Variants in SLC25A29 observed in about 807,000 individuals in gnomAD.
The protein encoded by SLC25A29 is mitochondrial basic amino acids transporter.
In SLC25A29, 13 loss-of-function variants were observed where a neutral mutation model predicts 10.0. The observed-to-expected ratio is 1.30, with a 90% CI of 0.85 to 2.07. The LOEUF (loss-of-function observed/expected upper bound fraction) is 2.07. Among genes scored for constraint, SLC25A29 ranks in the 30% most tolerant of loss-of-function variants. SLC25A29 has a pLI of 0.00. For synonymous variants in SLC25A29, 244 were observed against 221.1 expected, an observed-to-expected ratio of 1.10 and a Z score of -0.92; for missense variants, 475 against 447.6, an observed-to-expected ratio of 1.06 and a Z score of -0.55.
At chr14:100,287,625 A>ACCCCCCC (rs1475358138), downstream of SLC25A29, among the ~76,000 whole-genome samples, 3 of 76,026 alleles carry the variant, frequency 3.9e-5, no homozygotes, top group African/African-American at 4.9e-5. Context: ...CCACTGGAGC[A>ACCCCCCC]CCACCCCCCC....
intron 2 of SLC25A29, among the ~76,000 whole-genome samples, chr14:100,296,994 T>C (rs575292726): frequency 2.0e-5 from 3 of 150,892 alleles, no homozygotes; most frequent in East Asian, 3.9e-4. Flanking sequence ...ACCCAGGGGG[T>C]TGGGGGGGGA....
chr14:100,299,720 A>G, intron 1 of SLC25A29: 3 of 985,182 alleles, frequency 3.0e-6, no homozygotes, highest in Non-Finnish European at 3.6e-6. Flanking sequence ...ATTTCACAGG[A>G]GAAACAGGCT....
In SLC25A29 at chr14:100,291,829, T is replaced by G; in HGVS notation, c.*454A>C. On this transcript the variant is annotated 3_prime_UTR_variant, in exon 4 of 4. Transcript: ENST00000359232. Reference sequence around the variant, plus strand: ...CTGTCCCTAACACAGACCAGAGGGGTGGCCCACCACCCCCCCGGGTGGAGG... The same window carrying G: ...CTGTCCCTAACACAGACCAGAGGGGGGGCCCACCACCCCCCCGGGTGGAGG... 1 of 225,776 alleles carries G rather than the reference T, an allele frequency of 4.4e-6. No homozygotes were observed. The highest frequency in any genetic ancestry group is 8.8e-6 in the Non-Finnish European group (1 of 113,168). The allele number at this position is 225,776 out of a possible 1,614,324, so 14.0% of individuals were successfully genotyped here.
At chr14:100,290,670 G>C (rs1566789499), downstream of SLC25A29, among the ~76,000 whole-genome samples, 1 of 152,174 alleles carries the variant, frequency 6.6e-6, no homozygotes, top group Non-Finnish European at 1.5e-5. Flanking sequence ...CAAAGCTCCA[G>C]GATGCCCTCT....
chr14:100,304,413 C>G (rs1042394874), intron 1 of SLC25A29, among the ~76,000 whole-genome samples: 9 of 152,212 alleles, frequency 5.9e-5, no homozygotes, highest in Non-Finnish European at 1.2e-4. Context: ...CTTTAGTACC[C>G]CCACCTCTCT....
In SLC25A29 at chr14:100,292,793, C is replaced by T; in HGVS notation, c.402G>A (p.Ser134=). ...CGTAGATCTGCGCGAGGCAGTCCAGCGAGCCCTTGTAGGTGCGCGCTGGGC... is the reference window on the plus strand; with the variant it reads ...CGTAGATCTGCGCGAGGCAGTCCAGTGAGCCCTTGTAGGTGCGCGCTGGGC... ...DAGPARTYKG[S]LDCLAQIYGH... Residue 134 remains serine, a synonymous_variant, in exon 4 of 4, where the codon TCG becomes TCA. Coordinates refer to ENST00000359232, the MANE Select transcript of SLC25A29 (RefSeq NM_001039355.3). The T allele has an allele frequency of 1.3e-6, 2 of 1,595,370 alleles. No individual in the cohort carries two copies. Among genetic ancestry groups the T allele is most frequent in the Non-Finnish European group, 1.7e-6 (2 of 1,172,874 alleles).
chr14:100,287,628 A>ACCCCCCCCCC (rs1171229559), downstream of SLC25A29, among the ~76,000 whole-genome samples: 5 of 62,218 alleles, frequency 8.0e-5, no homozygotes, highest in Admixed American at 1.8e-4. Flanking sequence ...CTGGAGCACC[A>ACCCCCCCCCC]CCCCCCCCCT....
At chr14:100,299,415 G>T in intron 1 of SLC25A29, 1 of 997,018 alleles carries the variant, frequency 1.0e-6, no homozygotes, top group South Asian at 4.3e-5. Context: ...GAGTGGCCAC[G>T]GAGACTGAAC....
the SLC25A29 span, among the ~76,000 whole-genome samples, chr14:100,285,714 G>A: frequency 6.6e-6 from 1 of 152,102 alleles, no homozygotes; most frequent in Admixed American, 6.5e-5. Context: ...CGCCGCCAGG[G>A]CCACAGGGAC....
intron 3 of SLC25A29, 53 bp from the exon 4 acceptor site, chr14:100,293,085 C>T: frequency 6.8e-7 from 1 of 1,477,140 alleles, no homozygotes; most frequent in Middle Eastern, 1.8e-4. Context: ...CCCGGGCCCT[C>T]CACGCGGAAG....
chr14:100,286,736 C>T (rs1891552389), downstream of SLC25A29, among the ~76,000 whole-genome samples: 3 of 152,334 alleles, frequency 2.0e-5, no homozygotes, highest in South Asian at 6.2e-4. Flanking sequence ...ACCATGAGGT[C>T]AGGGGTGTGT....
the SLC25A29 span, chr14:100,278,969 A>G: frequency 1.3e-5 from 2 of 152,186 alleles, no homozygotes; most frequent in African/African-American, 4.8e-5. Flanking sequence ...TCCTCCATCT[A>G]GTGGAGTCCT....
intron 2 of SLC25A29, chr14:100,295,904 CG>C: frequency 7.8e-7 from 1 of 1,286,620 alleles, no homozygotes; most frequent in Non-Finnish European, 1.0e-6. Flanking sequence ...CGTGTAGAAA[CG>C]TGTGAAGGCC....
chr14:100,293,141 G>T, intron 3 of SLC25A29, 109 bp from the exon 4 acceptor site: 1 of 1,457,664 alleles, frequency 6.9e-7, no homozygotes, highest in South Asian at 1.4e-5. Context: ...GGCTCCTGAG[G>T]ACCAAGCAGA....
At chr14:100,298,460 C>T in intron 2 of SLC25A29, 1 of 320,372 alleles carries the variant, frequency 3.1e-6, no homozygotes, top group Non-Finnish European at 6.0e-6. Context: ...ATGATCACCA[C>T]TCCGTGAAGA....
At position 100,292,374 on chromosome 14, in the gene SLC25A29, G is replaced by T; in HGVS notation, c.821C>A (p.Thr274Asn). 4 of 1,548,236 alleles carry T rather than the reference G, an allele frequency of 2.6e-6. No individual in the cohort carries two copies. The highest frequency in any genetic ancestry group is 3.5e-6 in the Non-Finnish European group (4 of 1,150,706). Reference protein sequence around the residue: ...ATFATVTVVLTYARGEEAGPE... With the variant: ...ATFATVTVVLNYARGEEAGPE... ...CCCGGCCTCCTCGCCGCGCGCGTAG[G>T]TGAGCACCACCGTGACGGTGGCGAA... Residue 274 changes from threonine (T) to asparagine (N), a missense_variant, in exon 4 of 4, where the codon ACC becomes AAC. Physicochemically the swap from Thr to Asn is moderately conservative, Grantham distance 65. Transcript: ENST00000359232.
At chr14:100,285,051 G>GC in the SLC25A29 span, among the ~76,000 whole-genome samples, 1 of 147,598 alleles carries the variant, frequency 6.8e-6, no homozygotes, top group Admixed American at 6.7e-5. Flanking sequence ...AAGCGGGGGG[G>GC]GGCGGGGTAG....
chr14:100,298,462 C>G, intron 2 of SLC25A29: 1 of 321,938 alleles, frequency 3.1e-6, no homozygotes, highest in South Asian at 2.5e-5. Flanking sequence ...GATCACCACT[C>G]CGTGAAGATC....
At chr14:100,278,788 C>G in the SLC25A29 span, 1 of 152,246 alleles carries the variant, frequency 6.6e-6, no homozygotes, top group African/African-American at 2.4e-5. Context: ...TGTACCACCG[C>G]GCAGGCTGAG....
Sources: gnomAD v4.1 joint callset for allele counts (sites outside exome capture counted in the v4.1 genomes callset) on GRCh38, gnomAD v4.1.1 for gene constraint, MANE v1.5 for transcripts, NCBI Gene and HGNC (gene_info 2026-07-23, HGNC 2026-07-21) for gene names.